GABRG3: variants seen among roughly 807,000 people sequenced by gnomAD.
GABRG3 encodes gamma-aminobutyric acid receptor subunit gamma-3.
Under a neutral mutation model 48.8 loss-of-function variants are expected in GABRG3, and 25 were observed. That is an observed-to-expected ratio of 0.51 (90% confidence interval 0.37 to 0.72). The LOEUF is 0.72. Ranked by LOEUF, GABRG3 falls within the 30% of genes least tolerant of loss-of-function variation. GABRG3 has a pLI of 0.00. For synonymous variants in GABRG3, 227 were observed against 217.6 expected (o/e 1.04, Z -0.38); for missense variants, 394 against 577.9 (o/e 0.68, Z 3.26).
intron 5 of GABRG3, among the ~76,000 whole-genome samples, chr15:27,353,768 C>T (rs1894733626): frequency 1.3e-5 from 2 of 152,124 alleles, no homozygotes; most frequent in Admixed American, 1.3e-4. Flanking sequence ...TTCAATCATT[C>T]TCCAGATCTT....
chr15:27,417,615 C>T (rs570650105), intron 5 of GABRG3, among the ~76,000 whole-genome samples: 1 of 152,322 alleles, frequency 6.6e-6, no homozygotes, highest in African/African-American at 2.4e-5. Context: ...TCCTGTCAAC[C>T]TATTTCCCCA....
At chr15:27,104,228 A>G (rs1326257978) in intron 3 of GABRG3, among the ~76,000 whole-genome samples, 1 of 152,178 alleles carries the variant, frequency 6.6e-6, no homozygotes, top group Admixed American at 6.5e-5. Context: ...AATTTCACTA[A>G]TTTTATTTCT....
intron 2 of GABRG3, among the ~76,000 whole-genome samples, chr15:26,989,154 A>T (rs1441986386): frequency 1.3e-5 from 2 of 152,168 alleles, no homozygotes; most frequent in South Asian, 2.1e-4. Flanking sequence ...TGTACCTTTG[A>T]TATAAATGGA....
rs10657484 is a variant in GABRG3 at position 27,083,345 on chromosome 15, A to ATTTT, written c.270+56537_270+56540dup. On this transcript the variant is annotated intron_variant, in intron 3 of 9. Transcript: ENST00000615808. ...GATTCTTGAAAAGTAAGAGCTATTG[A>ATTTT]TTTTTTTTTTTTTTTTGAGTTCTGT... Among the ~76,000 whole-genome samples, 40 of 140,822 alleles carry ATTTT rather than the reference A, an allele frequency of 2.8e-4. 1 individual carries two copies. The highest frequency in any genetic ancestry group is 9.8e-4 in the African/African-American group (37 of 37,726). 92.4% of individuals were successfully genotyped at this position (140,822 alleles called of 152,430 possible). A position where few individuals can be genotyped will look rare whatever the true frequency, so the allele number is the denominator to read the frequency against.
At chr15:27,063,764 A>G (rs1189000756) in intron 3 of GABRG3, among the ~76,000 whole-genome samples, 1 of 152,160 alleles carries the variant, frequency 6.6e-6, no homozygotes, top group Non-Finnish European at 1.5e-5. Flanking sequence ...CCTGGCGTCA[A>G]TCACTGCCAT....
chr15:27,083,503 T>C (rs1897025075), intron 3 of GABRG3, among the ~76,000 whole-genome samples: 1 of 152,092 alleles, frequency 6.6e-6, no homozygotes, highest in Non-Finnish European at 1.5e-5. Flanking sequence ...TGGCTAATTT[T>C]TATGTTTTTA....
At position 27,162,260 on chromosome 15, in the gene GABRG3, A is replaced by C. The variant is rs994607739; in HGVS notation, c.270+135439A>C. On this transcript the variant is annotated intron_variant, in intron 3 of 9. Transcript: ENST00000615808. The stretch of plus-strand genomic sequence containing the variant: ...TCATTAGCAAAGCTTTGGTCCACAG[A>C]GTTAGGGATCACGCTGAGTGTAGCA... Among the ~76,000 whole-genome samples the C allele has an allele frequency of 3.3e-5, 5 of 152,164 alleles. No individual in the cohort carries two copies. In the South Asian group the frequency reaches 1.0e-3, roughly 32 times the overall value.
At chr15:27,033,090 G>A (rs1488572009) in intron 3 of GABRG3, among the ~76,000 whole-genome samples, 1 of 152,184 alleles carries the variant, frequency 6.6e-6, no homozygotes, top group East Asian at 1.9e-4. Context: ...AGTATTGGTT[G>A]GCTTTCTTCT....
At chr15:27,003,166 A>T (rs542885458) in intron 2 of GABRG3, among the ~76,000 whole-genome samples, 39 of 148,116 alleles carry the variant, frequency 2.6e-4, no homozygotes, top group African/African-American at 9.1e-4. Context: ...TTATTTTTTT[A>T]TTTTTTATTT....
At chr15:27,260,333 A>G (rs1216838125) in intron 3 of GABRG3, among the ~76,000 whole-genome samples, 1 of 151,978 alleles carries the variant, frequency 6.6e-6, no homozygotes, top group Non-Finnish European at 1.5e-5. Flanking sequence ...ATTAGGGCCC[A>G]CTCTTACTAC....
At chr15:27,121,511 G>A (rs1047593427) in intron 3 of GABRG3, among the ~76,000 whole-genome samples, 13 of 152,218 alleles carry the variant, frequency 8.5e-5, no homozygotes, top group African/African-American at 3.1e-4. Flanking sequence ...ACTCTGGGTT[G>A]TGCAGCTAAT....
chr15:27,216,422 G>C (rs1889248015), intron 3 of GABRG3, among the ~76,000 whole-genome samples: 1 of 152,234 alleles, frequency 6.6e-6, no homozygotes, highest in Non-Finnish European at 1.5e-5. Context: ...GAGCTGCTGG[G>C]AGTGGAGAGG....
chr15:27,222,826 C>T (rs560153275), intron 3 of GABRG3, among the ~76,000 whole-genome samples: 10 of 152,316 alleles, frequency 6.6e-5, no homozygotes, highest in African/African-American at 2.2e-4. Context: ...AGTGCACTCT[C>T]CTGGGAATGG....
chr15:27,289,812 AATATAG>A (rs1203166000), intron 3 of GABRG3, among the ~76,000 whole-genome samples: 2 of 152,196 alleles, frequency 1.3e-5, no homozygotes, highest in African/African-American at 4.8e-5. Context: ...CATGTAGCCT[AATATAG>A]ATATAGATGA....
At chr15:27,238,521 G>C (rs960264477) in intron 3 of GABRG3, among the ~76,000 whole-genome samples, 3 of 152,220 alleles carry the variant, frequency 2.0e-5, no homozygotes, top group African/African-American at 7.2e-5. Flanking sequence ...ATTATGTACT[G>C]TGTCCCTCCT....
At chr15:27,503,142 C>G (rs1023819832) in intron 6 of GABRG3, among the ~76,000 whole-genome samples, 2 of 152,222 alleles carry the variant, frequency 1.3e-5, no homozygotes, top group African/African-American at 4.8e-5. Flanking sequence ...CAGCTCCATC[C>G]TGAAGGTGCC....
At chr15:27,235,690 C>T (rs1889936879) in intron 3 of GABRG3, among the ~76,000 whole-genome samples, 1 of 152,144 alleles carries the variant, frequency 6.6e-6, no homozygotes, top group African/African-American at 2.4e-5. Context: ...CTCCTGTATA[C>T]ATGGGCAATA....
At chr15:27,066,334 T>G (rs1277726548) in intron 3 of GABRG3, among the ~76,000 whole-genome samples, 1 of 152,216 alleles carries the variant, frequency 6.6e-6, no homozygotes, top group African/African-American at 2.4e-5. Flanking sequence ...GTGGCCATTT[T>G]TTCTGTGTTT....
intron 3 of GABRG3, among the ~76,000 whole-genome samples, chr15:27,253,896 G>A (rs1890535251): frequency 6.6e-6 from 1 of 152,212 alleles, no homozygotes; most frequent in African/African-American, 2.4e-5. Flanking sequence ...TTAAGGAGAG[G>A]AATGAATGAC....
Sources: allele counts gnomAD v4.1 joint callset (sites outside exome capture counted in the v4.1 genomes callset), GRCh38; gene constraint gnomAD v4.1.1; transcripts MANE v1.5; gene names NCBI Gene and HGNC (gene_info 2026-07-23, HGNC 2026-07-21).